Variants in ERC2 observed in about 807,000 individuals in gnomAD.
ERC2 encodes ELKS/RAB6-interacting/CAST family member 2, also known as ERC protein 2.
Under a neutral mutation model 114.8 loss-of-function variants are expected in ERC2, and 42 were observed. That is an observed-to-expected ratio of 0.37 (90% CI 0.29 to 0.47). The LOEUF (loss-of-function observed/expected upper bound fraction) is 0.47. Ranked by LOEUF, ERC2 falls within the 20% of genes least tolerant of loss-of-function variation. ERC2 has a pLI of 0.99. For missense variants in ERC2, 939 were observed against 1,150.7 expected (o/e 0.82, Z 2.66); for synonymous variants, 454 against 425.5 (o/e 1.07, Z -0.82).
At position 56,186,114 on chromosome 3, in the gene ERC2, TAAAAA is replaced by T. The variant is rs201544979; in HGVS notation, c.1075-12599_1075-12595del. Among the ~76,000 whole-genome samples, 683 of 102,470 alleles carry T rather than the reference TAAAAA, an allele frequency of 6.7e-3. 4 individuals are homozygous for T. Among genetic ancestry groups the T allele is most frequent in the African/African-American group, 0.024 (614 of 25,858 alleles). 67.2% of individuals were successfully genotyped at this position (102,470 alleles called of 152,430 possible). On this transcript the variant is annotated intron_variant, in intron 3 of 17. Coordinates refer to ENST00000288221, the MANE Select transcript of ERC2 (RefSeq NM_015576.3). Reference sequence around the variant, plus strand: ...GAAAGCATATACATCTCAAGAACCTTAAAAAAAAAAAAAAAAAAAAAAAAAAAAAA... The same window carrying T: ...GAAAGCATATACATCTCAAGAACCTTAAAAAAAAAAAAAAAAAAAAAAAAA...
intron 17 of ERC2, among the ~76,000 whole-genome samples, chr3:55,540,278 T>C (rs1204465983): frequency 6.6e-6 from 1 of 152,210 alleles, no homozygotes; most frequent in Non-Finnish European, 1.5e-5. Flanking sequence ...GAAAACAGAA[T>C]GCACTTGGGG....
At chr3:56,169,804 T>C (rs1180237705) in intron 4 of ERC2, among the ~76,000 whole-genome samples, 1 of 135,206 alleles carries the variant, frequency 7.4e-6, no homozygotes, top group Non-Finnish European at 1.7e-5. Context: ...GTCATTCATT[T>C]TCTTAAAAAA....
intron 2 of ERC2, among the ~76,000 whole-genome samples, chr3:56,326,877 G>A (rs555827997): frequency 6.6e-6 from 1 of 152,128 alleles, no homozygotes; most frequent in Non-Finnish European, 1.5e-5. Context: ...TCTTCTCAAG[G>A]GTCCCATGCC....
At chr3:55,912,622 A>G (rs1334925682) in intron 13 of ERC2, among the ~76,000 whole-genome samples, 1 of 152,232 alleles carries the variant, frequency 6.6e-6, no homozygotes, top group East Asian at 1.9e-4. Flanking sequence ...ACATATACAC[A>G]TATTTGTACA....
At chr3:55,661,280 G>A (rs79284994) in intron 17 of ERC2, among the ~76,000 whole-genome samples, 2 of 152,190 alleles carry the variant, frequency 1.3e-5, no homozygotes, top group Non-Finnish European at 2.9e-5. Flanking sequence ...TTGCAGCTCT[G>A]AGGCTGAATT....
chr3:55,585,743 T>C (rs1309530613), intron 17 of ERC2, among the ~76,000 whole-genome samples: 1 of 152,110 alleles, frequency 6.6e-6, no homozygotes, highest in South Asian at 2.1e-4. Context: ...GGTTTGAGGA[T>C]TTTTTGACCC....
chr3:56,211,114 A>G (rs1162343035), intron 3 of ERC2, among the ~76,000 whole-genome samples: 2 of 152,158 alleles, frequency 1.3e-5, no homozygotes, highest in Non-Finnish European at 2.9e-5. Context: ...ATCATACAAG[A>G]GAAAGAAATA....
chr3:56,007,524 C>A (rs555036347), intron 9 of ERC2, among the ~76,000 whole-genome samples: 4 of 151,956 alleles, frequency 2.6e-5, no homozygotes, highest in Non-Finnish European at 4.4e-5. Context: ...ATCTAATTGC[C>A]GTAGAATCAA....
At chr3:56,110,967 G>A (rs1436695785) in intron 6 of ERC2, among the ~76,000 whole-genome samples, 4 of 152,122 alleles carry the variant, frequency 2.6e-5, no homozygotes, top group African/African-American at 9.7e-5. Context: ...TCTTTTGATT[G>A]TTGGCCTGAT....
chr3:55,708,295 A>G lies in ERC2; in HGVS notation c.2713-8783T>C, dbSNP rs140952993. 3.6e-3 allele frequency among the ~76,000 whole-genome samples: 555 copies of G among 152,286 alleles called. 2 individuals carry two copies. Among genetic ancestry groups the G allele is most frequent in the African/African-American group, 0.013 (536 of 41,552 alleles). On this transcript the variant is annotated intron_variant, in intron 15 of 17. Coordinates refer to ENST00000288221, the MANE Select transcript of ERC2 (RefSeq NM_015576.3). Reference sequence around the variant, plus strand: ...TAACAGCTAGGCTAACACATTAGCAACTCCAGACAACCAAGGAATTTCTAA... The same window carrying G: ...TAACAGCTAGGCTAACACATTAGCAGCTCCAGACAACCAAGGAATTTCTAA...
At chr3:55,689,831 G>A (rs865957535) in intron 16 of ERC2, among the ~76,000 whole-genome samples, 19 of 150,650 alleles carry the variant, frequency 1.3e-4, no homozygotes, top group Middle Eastern at 3.5e-3. Flanking sequence ...GAAAAGAAAA[G>A]AAAATGGGAC....
At chr3:56,143,889 T>C (rs1168625984) in intron 5 of ERC2, among the ~76,000 whole-genome samples, 4 of 152,240 alleles carry the variant, frequency 2.6e-5, no homozygotes, top group African/African-American at 7.2e-5. Context: ...CTGACAATAT[T>C]AGCTGAGCAT....
intron 17 of ERC2, among the ~76,000 whole-genome samples, chr3:55,630,074 G>A (rs895916553): frequency 1.3e-5 from 2 of 152,240 alleles, no homozygotes; most frequent in African/African-American, 4.8e-5. Flanking sequence ...GGGAGCCCTT[G>A]TGAGCCAGTA....
intron 14 of ERC2, among the ~76,000 whole-genome samples, chr3:55,837,852 A>T (rs867550959): frequency 1.3e-5 from 2 of 151,700 alleles, no homozygotes; most frequent in African/African-American, 4.8e-5. Flanking sequence ...ATATACACAG[A>T]TTAAATGTAA....
intron 17 of ERC2, among the ~76,000 whole-genome samples, chr3:55,600,231 T>G (rs181914054): frequency 6.6e-6 from 1 of 151,928 alleles, no homozygotes; most frequent in Admixed American, 6.5e-5. Flanking sequence ...GACCAAAAAC[T>G]AAGAAAGGGA....
intron 6 of ERC2, among the ~76,000 whole-genome samples, chr3:56,128,724 A>G (rs1056448001): frequency 2.6e-5 from 4 of 151,942 alleles, no homozygotes; most frequent in Admixed American, 6.6e-5. Flanking sequence ...TTCTGGTACT[A>G]CTCTTAGAAG....
intron 14 of ERC2, among the ~76,000 whole-genome samples, chr3:55,833,277 C>A (rs1357554377): frequency 6.7e-6 from 1 of 150,156 alleles, no homozygotes; most frequent in Non-Finnish European, 1.5e-5. Context: ...AGATACTCCT[C>A]GAGAAGAGCA....
chr3:56,192,123 T>C (rs1364876060), intron 3 of ERC2, among the ~76,000 whole-genome samples: 2 of 151,862 alleles, frequency 1.3e-5, no homozygotes, highest in African/African-American at 2.4e-5. Context: ...CCTTTCCTCT[T>C]AGCCATTATT....
intron 14 of ERC2, among the ~76,000 whole-genome samples, chr3:55,814,310 T>A (rs1439174541): frequency 6.6e-6 from 1 of 152,172 alleles, no homozygotes. Context: ...TCCTATACGA[T>A]ACACAAAGCC....
Sources: gnomAD v4.1 joint callset for allele counts (sites outside exome capture counted in the v4.1 genomes callset) on GRCh38, gnomAD v4.1.1 for gene constraint, MANE v1.5 for transcripts, NCBI Gene and HGNC (gene_info 2026-07-23, HGNC 2026-07-21) for gene names.